Variants in GRID2 observed in about 807,000 individuals in gnomAD.
The protein encoded by GRID2 is glutamate ionotropic receptor delta type subunit 2.
In GRID2, 33 loss-of-function variants were observed where a neutral mutation model predicts 114.8. That is an observed-to-expected ratio of 0.29 (90% CI 0.22 to 0.38). GRID2 has a LOEUF of 0.38. Ranked by LOEUF, GRID2 falls within the 10% of genes least tolerant of loss-of-function variation. GRID2 has a pLI of 1.00. For synonymous variants in GRID2, 505 were observed against 449.9 expected (o/e 1.12, Z -1.55); for missense variants, 1,184 against 1,257.7 (o/e 0.94, Z 0.89).
At chr4:92,440,454 G>T (rs1397859859) in intron 1 of GRID2, among the ~76,000 whole-genome samples, 26 of 151,918 alleles carry the variant, frequency 1.7e-4, no homozygotes, top group Non-Finnish European at 1.5e-5. Context: ...TCAGTTATCT[G>T]ACTCAGGGCA....
intron 1 of GRID2, among the ~76,000 whole-genome samples, chr4:92,437,312 C>A (rs1009429063): frequency 2.0e-4 from 30 of 152,196 alleles, no homozygotes; most frequent in Admixed American, 2.0e-3. Flanking sequence ...CAGATTCTCG[C>A]CCTGTAGCCC....
intron 2 of GRID2, among the ~76,000 whole-genome samples, chr4:93,079,444 G>A (rs1328271072): frequency 1.3e-5 from 2 of 151,362 alleles, no homozygotes; most frequent in African/African-American, 4.8e-5. Flanking sequence ...TCTGAATTTT[G>A]TAATAAGGGA....
intron 2 of GRID2, among the ~76,000 whole-genome samples, chr4:92,763,576 G>T (rs1046878035): frequency 1.3e-5 from 2 of 152,164 alleles, no homozygotes; most frequent in Admixed American, 6.6e-5. Flanking sequence ...ATGTGCATAG[G>T]TTATATGCAA....
At chr4:92,943,240 C>T (rs1470000681) in intron 2 of GRID2, among the ~76,000 whole-genome samples, 1 of 152,166 alleles carries the variant, frequency 6.6e-6, no homozygotes, top group Admixed American at 6.5e-5. Flanking sequence ...TTCACATAGG[C>T]CCATATTTCT....
chr4:92,825,757 A>G (rs1741652388), intron 2 of GRID2, among the ~76,000 whole-genome samples: 1 of 152,148 alleles, frequency 6.6e-6, no homozygotes, highest in Non-Finnish European at 1.5e-5. Flanking sequence ...AAGGCAGCCC[A>G]TATGCAGGCC....
At chr4:93,456,976 T>G (rs554608593) in intron 11 of GRID2, among the ~76,000 whole-genome samples, 20 of 152,288 alleles carry the variant, frequency 1.3e-4, no homozygotes, top group African/African-American at 4.8e-4. Flanking sequence ...TACTGTATAT[T>G]TTTCACAGAC....
rs183833492 is a variant in GRID2 at position 92,886,570 on chromosome 4, T to C, written c.245-198425T>C. On this transcript the variant is annotated intron_variant, in intron 2 of 15. Coordinates refer to ENST00000282020, the MANE Select transcript of GRID2 (RefSeq NM_001510.4). Reference sequence around the variant, plus strand: ...CCAGAGAATCTTTAAATTTGAAATATCTTACCTTGCTATTATTATTATTTT... The same window carrying C: ...CCAGAGAATCTTTAAATTTGAAATACCTTACCTTGCTATTATTATTATTTT... Among the ~76,000 whole-genome samples, 638 of 152,078 alleles carry C rather than the reference T, an allele frequency of 4.2e-3. 4 individuals carry two copies. The highest frequency in any genetic ancestry group is 5.8e-3 in the Non-Finnish European group (394 of 67,976).
At chr4:93,195,137 A>G (rs1432799109) in intron 4 of GRID2, among the ~76,000 whole-genome samples, 3 of 151,928 alleles carry the variant, frequency 2.0e-5, no homozygotes, top group African/African-American at 7.3e-5. Context: ...CTATAGGACT[A>G]CTCCCCTCAT....
At chr4:93,115,640 G>T in intron 4 of GRID2, among the ~76,000 whole-genome samples, 1 of 152,112 alleles carries the variant, frequency 6.6e-6, no homozygotes, top group East Asian at 1.9e-4. Context: ...TAAAGAAAAA[G>T]AGGTTTAATG....
At chr4:92,925,822 A>G (rs1467431185) in intron 2 of GRID2, among the ~76,000 whole-genome samples, 2 of 152,044 alleles carry the variant, frequency 1.3e-5, no homozygotes, top group Non-Finnish European at 2.9e-5. Context: ...GACATCATTA[A>G]GCCTTTTTAT....
intron 4 of GRID2, among the ~76,000 whole-genome samples, chr4:93,159,720 T>C (rs1341799817): frequency 1.1e-4 from 17 of 151,070 alleles, no homozygotes. Context: ...GCTTTTCTGT[T>C]TCAGTGTACT....
chr4:92,305,458 G>T (rs1304512434), intron 1 of GRID2, among the ~76,000 whole-genome samples: 1 of 152,200 alleles, frequency 6.6e-6, no homozygotes, highest in Non-Finnish European at 1.5e-5. Context: ...CGGGGCGCTT[G>T]GGAAACGCGG....
intron 8 of GRID2, among the ~76,000 whole-genome samples, chr4:93,250,736 A>G (rs1748805542): frequency 6.8e-6 from 1 of 147,274 alleles, no homozygotes; most frequent in South Asian, 2.1e-4. Flanking sequence ...ATGTGCATAT[A>G]TATAATGTTA....
chr4:93,797,856 A>G (rs1734838111), intron 1 of GRID2, among the ~76,000 whole-genome samples: 1 of 151,604 alleles, frequency 6.6e-6, no homozygotes. Context: ...AAAAAAAAAA[A>G]AAAAAGAGGA....
At chr4:93,253,687 G>A (rs1434551102) in intron 8 of GRID2, among the ~76,000 whole-genome samples, 2 of 152,070 alleles carry the variant, frequency 1.3e-5, no homozygotes, top group African/African-American at 2.4e-5. Flanking sequence ...GTTTCCGTAA[G>A]AGCATAAGTG....
chr4:92,819,572 T>C (rs1293062674), intron 2 of GRID2, among the ~76,000 whole-genome samples: 5 of 152,106 alleles, frequency 3.3e-5, no homozygotes, highest in Non-Finnish European at 5.9e-5. Flanking sequence ...AACTAAAGCA[T>C]GTAAAATACT....
At chr4:93,444,602 C>A (rs1721921030) in intron 10 of GRID2, among the ~76,000 whole-genome samples, 1 of 151,832 alleles carries the variant, frequency 6.6e-6, no homozygotes, top group African/African-American at 2.4e-5. Flanking sequence ...AGGAAACATT[C>A]AAAAAAGTCC....
chr4:93,579,897 A>C (rs1736791808), intron 13 of GRID2, among the ~76,000 whole-genome samples: 1 of 152,202 alleles, frequency 6.6e-6, no homozygotes, highest in African/African-American at 2.4e-5. Context: ...GATCAGGAGG[A>C]AAATAAGACT....
At chr4:93,261,115 C>A (rs1836114) in intron 8 of GRID2, among the ~76,000 whole-genome samples, 108,185 of 151,470 alleles carry the variant, frequency 0.71, 39,539 homozygotes, top group African/African-American at 0.86. Context: ...GATCTTTCTC[C>A]AACTTTAGTT....
Sources: gnomAD v4.1 joint callset for allele counts (sites outside exome capture counted in the v4.1 genomes callset) on GRCh38, gnomAD v4.1.1 for gene constraint, MANE v1.5 for transcripts, NCBI Gene and HGNC (gene_info 2026-07-23, HGNC 2026-07-21) for gene names.